LTBP1: variants seen among roughly 807,000 people sequenced by gnomAD.
The protein encoded by LTBP1 is latent-transforming growth factor beta-binding protein 1.
Under a neutral mutation model 207.6 loss-of-function variants are expected in LTBP1, and 129 were observed. That is an observed-to-expected ratio of 0.62 (90% CI 0.54 to 0.72). The LOEUF (loss-of-function observed/expected upper bound fraction) is 0.72. LTBP1 is among the 30% of genes least tolerant of loss of function. LTBP1 has a pLI of 0.00. For missense variants in LTBP1, 2,281 were observed against 2,217.2 expected (o/e 1.03, Z -0.58); for synonymous variants, 963 against 833.7 (o/e 1.16, Z -2.67).
At chr2:33,389,652 A>C (rs1040419709) in intron 32 of LTBP1, among the ~76,000 whole-genome samples, 9 of 152,080 alleles carry the variant, frequency 5.9e-5, no homozygotes, top group African/African-American at 1.7e-4. Context: ...CTTTTCTTAA[A>C]GTTTTGAGAT....
At chr2:33,194,757 C>T (rs568457552) in intron 7 of LTBP1, among the ~76,000 whole-genome samples, 1 of 152,324 alleles carries the variant, frequency 6.6e-6, no homozygotes, top group African/African-American at 2.4e-5. Context: ...AAGGTGGCTA[C>T]ACTAAGCAGC....
intron 3 of LTBP1, among the ~76,000 whole-genome samples, chr2:33,027,812 G>A (rs1176229136): frequency 6.6e-6 from 1 of 152,150 alleles, no homozygotes; most frequent in Non-Finnish European, 1.5e-5. Flanking sequence ...ACTCCAGTCT[G>A]GCGACAGAGC....
intron 9 of LTBP1, among the ~76,000 whole-genome samples, chr2:33,237,975 C>T (rs1177703739): frequency 6.6e-6 from 1 of 152,104 alleles, no homozygotes; most frequent in Non-Finnish European, 1.5e-5. Flanking sequence ...TGTGTGTACC[C>T]TATAGAATAT....
chr2:33,220,792 C>T (rs936650219), intron 8 of LTBP1, among the ~76,000 whole-genome samples: 4 of 152,234 alleles, frequency 2.6e-5, no homozygotes, highest in African/African-American at 7.2e-5. Context: ...GACTCCCACA[C>T]GCCCATATCT....
intron 7 of LTBP1, among the ~76,000 whole-genome samples, chr2:33,195,904 T>C (rs1463283775): frequency 1.3e-5 from 2 of 152,126 alleles, no homozygotes; most frequent in Non-Finnish European, 2.9e-5. Context: ...TCCTGATTGG[T>C]TGACAGTCAT....
intron 19 of LTBP1, among the ~76,000 whole-genome samples, chr2:33,284,257 G>A (rs2093619502): frequency 6.6e-6 from 1 of 152,128 alleles, no homozygotes; most frequent in Non-Finnish European, 1.5e-5. Context: ...TGTTTTCTGA[G>A]GGACTACATT....
chr2:33,356,979 T>C lies in LTBP1; in HGVS notation c.4001-3618T>C, dbSNP rs78725526. Reference sequence around the variant, plus strand: ...CAGTGTTACTCTTGGGTCATTGTAATAATTCTGACTGTTAGGAAAAGGTAC... The same window carrying C: ...CAGTGTTACTCTTGGGTCATTGTAACAATTCTGACTGTTAGGAAAAGGTAC... On this transcript the variant is annotated intron_variant, in intron 26 of 33. Transcript: ENST00000404816. Among the ~76,000 whole-genome samples the C allele has an allele frequency of 8.5e-3, 1,289 of 152,306 alleles. 13 individuals carry two copies. Among genetic ancestry groups the C allele is most frequent in the African/African-American group, 0.03 (1,240 of 41,560 alleles).
intron 5 of LTBP1, among the ~76,000 whole-genome samples, chr2:33,149,922 G>T (rs2083375825): frequency 6.6e-6 from 1 of 152,228 alleles, no homozygotes; most frequent in Middle Eastern, 3.4e-3. Flanking sequence ...CCTTGGGAGG[G>T]TATGGGTTTG....
chr2:33,239,513 A>C (rs1046180230), intron 9 of LTBP1, among the ~76,000 whole-genome samples: 2 of 152,156 alleles, frequency 1.3e-5, no homozygotes, highest in Non-Finnish European at 2.9e-5. Flanking sequence ...ACAAGGAATA[A>C]ATTCATGTAT....
At chr2:33,232,813 T>A (rs1443382769) in intron 9 of LTBP1, among the ~76,000 whole-genome samples, 1 of 152,182 alleles carries the variant, frequency 6.6e-6, no homozygotes, top group East Asian at 1.9e-4. Context: ...ATACTTTATG[T>A]GTCTGAAAAT....
chr2:33,355,871 T>A (rs2094852105), intron 26 of LTBP1, among the ~76,000 whole-genome samples: 1 of 152,198 alleles, frequency 6.6e-6, no homozygotes, highest in Non-Finnish European at 1.5e-5. Context: ...GTTCACTCCT[T>A]AAGACCTCTT....
intron 2 of LTBP1, among the ~76,000 whole-genome samples, chr2:33,014,055 C>G (rs1688018352): frequency 6.6e-6 from 1 of 152,126 alleles, no homozygotes; most frequent in African/African-American, 2.4e-5. Flanking sequence ...GACGATCTGA[C>G]TCAGAGGGAA....
chr2:33,162,584 G>C (rs78124190), intron 5 of LTBP1, among the ~76,000 whole-genome samples: 48 of 152,218 alleles, frequency 3.2e-4, no homozygotes, highest in African/African-American at 1.1e-3. Flanking sequence ...TCTTTCACCT[G>C]CCTGGTTATT....
At chr2:33,167,468 C>A (rs897192514) in intron 5 of LTBP1, among the ~76,000 whole-genome samples, 2 of 152,104 alleles carry the variant, frequency 1.3e-5, no homozygotes, top group East Asian at 3.9e-4. Context: ...AAAACTGTTT[C>A]TTTCTTTCTG....
intron 3 of LTBP1, among the ~76,000 whole-genome samples, chr2:33,098,235 A>G (rs559328805): frequency 6.6e-6 from 1 of 152,194 alleles, no homozygotes; most frequent in South Asian, 2.1e-4. Flanking sequence ...ACAGTCATTT[A>G]GATTTATTTA....
At chr2:33,018,665 T>G (rs1272503207) in intron 2 of LTBP1, among the ~76,000 whole-genome samples, 1 of 152,190 alleles carries the variant, frequency 6.6e-6, no homozygotes, top group Non-Finnish European at 1.5e-5. Context: ...GAAACTCTGA[T>G]AGTTAGAATT....
chr2:33,256,618 A>G (rs1364195959), intron 11 of LTBP1, among the ~76,000 whole-genome samples: 2 of 151,082 alleles, frequency 1.3e-5, no homozygotes, highest in African/African-American at 4.9e-5. Flanking sequence ...TGAGATATAT[A>G]ATACATATAG....
In LTBP1 at chr2:33,365,512, A is replaced by G. The variant is rs771417000; in HGVS notation, c.4711+9A>G. On this transcript the variant is annotated intron_variant, in intron 31 of 33. Coordinates refer to ENST00000404816, the MANE Select transcript of LTBP1 (RefSeq NM_206943.4). ...CCCCCTGAAGGATTCAGGTGAGCCCATATCCAATTCCTTCTGCAGGAGGCC... is the reference window on the plus strand; with the variant it reads ...CCCCCTGAAGGATTCAGGTGAGCCCGTATCCAATTCCTTCTGCAGGAGGCC... 5 of 1,610,800 alleles carry G rather than the reference A, an allele frequency of 3.1e-6. No individual in the cohort carries two copies. The highest frequency in any genetic ancestry group is 2.2e-5 in the East Asian group (1 of 44,840).
intron 8 of LTBP1, among the ~76,000 whole-genome samples, chr2:33,219,328 T>C (rs552035928): frequency 6.6e-6 from 1 of 152,348 alleles, no homozygotes; most frequent in African/African-American, 2.4e-5. Flanking sequence ...TTGAGTGTGA[T>C]GGTTCATCGT....
Sources: gnomAD v4.1 joint callset for allele counts (sites outside exome capture counted in the v4.1 genomes callset) on GRCh38, gnomAD v4.1.1 for gene constraint, MANE v1.5 for transcripts, NCBI Gene and HGNC (gene_info 2026-07-23, HGNC 2026-07-21) for gene names.